Variants in NKAIN3 observed in about 807,000 individuals in gnomAD.
NKAIN3 encodes the protein sodium/potassium transporting ATPase interacting 3.
NKAIN3 carries 25 observed loss-of-function variants against 30.2 expected under a neutral mutation model. The ratio of observed to expected loss-of-function variants is 0.83; its 90% CI spans 0.60 to 1.16. The LOEUF (loss-of-function observed/expected upper bound fraction) is 1.16. Ranked by LOEUF, NKAIN3 falls within the 50% of genes most tolerant of loss-of-function variation. The pLI is 0.00. For missense variants in NKAIN3, 225 were observed against 254.1 expected (o/e 0.89, Z 0.78); for synonymous variants, 91 against 89.6 (o/e 1.02, Z -0.09).
chr8:62,904,661 T>C (rs2130842065), intron 4 of NKAIN3, among the ~76,000 whole-genome samples: 1 of 152,342 alleles, frequency 6.6e-6, no homozygotes, highest in South Asian at 2.1e-4. Context: ...TCATCCACTG[T>C]ATTTCAGACA....
intron 3 of NKAIN3, among the ~76,000 whole-genome samples, chr8:62,680,724 G>T (rs1400398580): frequency 6.6e-6 from 1 of 152,096 alleles, no homozygotes; most frequent in African/African-American, 2.4e-5. Flanking sequence ...GTGTGTGTGT[G>T]TGTGTGTGCA....
intron 3 of NKAIN3, among the ~76,000 whole-genome samples, chr8:62,740,019 C>A (rs574064820): frequency 5.9e-5 from 9 of 152,168 alleles, no homozygotes; most frequent in South Asian, 2.1e-4. Context: ...AGAAAAATAT[C>A]ATATAATTTT....
chr8:62,572,157 A>T (rs944319723), intron 1 of NKAIN3, among the ~76,000 whole-genome samples: 9 of 152,052 alleles, frequency 5.9e-5, no homozygotes, highest in Admixed American at 5.2e-4. Flanking sequence ...CACCCAAGTC[A>T]CCTCTTGAAT....
intron 4 of NKAIN3, among the ~76,000 whole-genome samples, chr8:62,801,595 C>T (rs888703691): frequency 2.0e-5 from 3 of 152,142 alleles, no homozygotes; most frequent in Non-Finnish European, 2.9e-5. Context: ...ACAGAAAGGA[C>T]ATCCACACCA....
chr8:62,500,919 T>C (rs1312843267), intron 1 of NKAIN3, among the ~76,000 whole-genome samples: 3 of 152,186 alleles, frequency 2.0e-5, no homozygotes, highest in Non-Finnish European at 4.4e-5. Flanking sequence ...GCAGGGATGA[T>C]GCACGCCATC....
chr8:62,853,593 C>G (rs1819975376), intron 4 of NKAIN3, among the ~76,000 whole-genome samples: 4 of 152,000 alleles, frequency 2.6e-5, no homozygotes, highest in Admixed American at 2.6e-4. Flanking sequence ...TGAATCTTCT[C>G]TATGTTTAGT....
chr8:62,610,031 A>T (rs1811241986), intron 3 of NKAIN3, among the ~76,000 whole-genome samples: 1 of 152,016 alleles, frequency 6.6e-6, no homozygotes, highest in Non-Finnish European at 1.5e-5. Context: ...ACCCACAGAG[A>T]TCATGGTGGT....
chr8:62,254,001 A>T (rs935960095), intron 1 of NKAIN3, among the ~76,000 whole-genome samples: 3 of 152,176 alleles, frequency 2.0e-5, no homozygotes, highest in African/African-American at 7.2e-5. Context: ...TATGAAACTT[A>T]AAGTTAGTGA....
chr8:62,661,465 C>T (rs1323547441), intron 3 of NKAIN3, among the ~76,000 whole-genome samples: 1 of 152,196 alleles, frequency 6.6e-6, no homozygotes, highest in Non-Finnish European at 1.5e-5. Context: ...TTCTCATGAG[C>T]CTCTACTTCC....
chr8:62,506,484 T>C (rs796958795), intron 1 of NKAIN3, among the ~76,000 whole-genome samples: 4 of 24,836 alleles, frequency 1.6e-4, no homozygotes, highest in Non-Finnish European at 3.9e-4. Context: ...TTCTTTTTTT[T>C]TTTTTTTTGA....
intron 3 of NKAIN3, among the ~76,000 whole-genome samples, chr8:62,611,497 C>T (rs1357403794): frequency 6.6e-6 from 1 of 152,036 alleles, no homozygotes; most frequent in African/African-American, 2.4e-5. Context: ...TCCATATATT[C>T]AATTGTTTTG....
chr8:62,843,837 G>A (rs1028722946), intron 4 of NKAIN3, among the ~76,000 whole-genome samples: 54 of 152,042 alleles, frequency 3.6e-4, no homozygotes, highest in African/African-American at 1.3e-3. Flanking sequence ...CTTCTGAAAG[G>A]AAAGTCTGCT....
intron 3 of NKAIN3, among the ~76,000 whole-genome samples, chr8:62,709,406 T>C (rs937532650): frequency 6.6e-6 from 1 of 152,194 alleles, no homozygotes. Flanking sequence ...CTACTTGTTA[T>C]TTGTCTCTTC....
intron 3 of NKAIN3, among the ~76,000 whole-genome samples, chr8:62,633,565 G>A (rs747907967): frequency 7.9e-5 from 12 of 152,122 alleles, no homozygotes; most frequent in Non-Finnish European, 1.3e-4. Flanking sequence ...CAGGAGAGAG[G>A]GGCACCACAG....
chr8:62,373,517 C>T (rs1816973052), intron 1 of NKAIN3, among the ~76,000 whole-genome samples: 1 of 152,104 alleles, frequency 6.6e-6, no homozygotes, highest in South Asian at 2.1e-4. Flanking sequence ...TTATACTCTG[C>T]CAGTTTGGAA....
At chr8:62,774,669 G>T (rs1817130655) in intron 4 of NKAIN3, among the ~76,000 whole-genome samples, 1 of 152,056 alleles carries the variant, frequency 6.6e-6, no homozygotes, top group South Asian at 2.1e-4. Flanking sequence ...TGATCACATG[G>T]TTTTTGTACT....
intron 4 of NKAIN3, among the ~76,000 whole-genome samples, chr8:62,753,644 T>A (rs1816356941): frequency 6.6e-6 from 1 of 152,126 alleles, no homozygotes; most frequent in African/African-American, 2.4e-5. Flanking sequence ...TTTCACTAAT[T>A]TAGCAATTTG....
At chr8:62,997,819 C>T (rs114212733) in intron 5 of NKAIN3, among the ~76,000 whole-genome samples, 2,683 of 150,912 alleles carry the variant, frequency 0.018, 88 homozygotes, top group African/African-American at 0.061. Flanking sequence ...GAAATCTGAG[C>T]GTATTTTTGA....
chr8:62,851,612 T>C (rs1819900731), intron 4 of NKAIN3, among the ~76,000 whole-genome samples: 1 of 152,190 alleles, frequency 6.6e-6, no homozygotes, highest in Non-Finnish European at 1.5e-5. Flanking sequence ...ATAGCTCTTA[T>C]TATTTTGAGG....
Sources: allele counts gnomAD v4.1 joint callset (sites outside exome capture counted in the v4.1 genomes callset), GRCh38; gene constraint gnomAD v4.1.1; transcripts MANE v1.5; gene names NCBI Gene and HGNC (gene_info 2026-07-23, HGNC 2026-07-21).